FECH: variants seen among roughly 807,000 people sequenced by gnomAD.
FECH encodes ferrochelatase.
A neutral mutation model predicts 56.9 loss-of-function variants in FECH; 40 were observed. That is an observed-to-expected ratio of 0.70 (90% confidence interval 0.55 to 0.92). The LOEUF (loss-of-function observed/expected upper bound fraction) is 0.92. Among genes scored for constraint, FECH ranks in the 40% least tolerant of loss-of-function variants. The pLI, the probability that FECH is intolerant of heterozygous loss-of-function variation, is 0.00. For missense variants in FECH, 431 were observed against 529.1 expected (o/e 0.81, Z 1.82); for synonymous variants, 175 against 198.6 (o/e 0.88, Z 1.00).
In FECH at chr18:57,581,904, G is replaced by T. The variant is rs113802529; in HGVS notation, c.68-1705C>A. Reference sequence around the variant, plus strand: ...CCAGATTGTACACATTCCTAGCACAGCCAATCATGTCAGCTTATGCTGAAT... The same window carrying T: ...CCAGATTGTACACATTCCTAGCACATCCAATCATGTCAGCTTATGCTGAAT... On this transcript the variant is annotated intron_variant, in intron 1 of 10. Transcript: ENST00000262093. Among the ~76,000 whole-genome samples, 5 of 152,146 alleles carry T rather than the reference G, an allele frequency of 3.3e-5. No individual in the cohort carries two copies. In the East Asian group the frequency reaches 7.7e-4, roughly 23 times the overall value.
At chr18:57,558,879 C>T (rs994939351) in intron 7 of FECH, among the ~76,000 whole-genome samples, 1 of 151,988 alleles carries the variant, frequency 6.6e-6, no homozygotes, top group African/African-American at 2.4e-5. Context: ...CGAGACTGCA[C>T]CATTGCACTC....
chr18:57,581,984 C>T (rs2122364932), intron 1 of FECH, among the ~76,000 whole-genome samples: 1 of 151,660 alleles, frequency 6.6e-6, no homozygotes, highest in East Asian at 1.9e-4. Context: ...AGTTCAATTC[C>T]ATCTGGTTTG....
In FECH at chr18:57,550,676, G is replaced by A. The variant is rs1476231148; in HGVS notation, c.*36C>T. 6.2e-7 allele frequency: 1 copy of A among 1,613,610 alleles called. No individual in the cohort carries two copies. The highest frequency in any genetic ancestry group is 8.5e-7 in the Non-Finnish European group (1 of 1,179,824). On this transcript the variant is annotated 3_prime_UTR_variant, in exon 11 of 11. Transcript: ENST00000262093. The stretch of plus-strand genomic sequence containing the variant: ...CACATCGGAGGTATCTGGAGGTTGG[G>A]CATTTGCCTAACGCCACGGGGTCCA...
intron 9 of FECH, 97 bp downstream of exon 9, chr18:57,554,163 A>G: frequency 7.7e-7 from 1 of 1,302,396 alleles, no homozygotes; most frequent in Non-Finnish European, 1.1e-6. Context: ...AAACAAATAC[A>G]GTAAACAATA....
In FECH at chr18:57,566,493, C is replaced by T. The variant is rs140909459; in HGVS notation, c.552G>A (p.Arg184=). 4.0e-5 allele frequency: 64 copies of T among 1,614,056 alleles called. No individual in the cohort carries two copies. Among genetic ancestry groups the T allele is most frequent in the Non-Finnish European group, 5.3e-5 (62 of 1,180,036 alleles). The change falls in exon 5 of 11, where the codon AGG becomes AGA. Residue 184 remains arginine, a synonymous_variant. Coordinates refer to ENST00000262093, the MANE Select transcript of FECH (RefSeq NM_000140.5). ...GTGGATACTGTGTGAAAGCAATAGC[C>T]CTTTCTAGGCCATCTCTCTCCATCT... ...IEEMERDGLE[R]AIAFTQYPQY...
chr18:57,554,144 CG>C, intron 9 of FECH, 115 bp downstream of exon 9: 1 of 1,072,790 alleles, frequency 9.3e-7, no homozygotes, highest in Non-Finnish European at 1.4e-6. Context: ...ATGAGGACAC[CG>C]TACATGCAAA....
chr18:57,544,384 G>A lies in FECH; in HGVS notation c.*6328C>T, dbSNP rs920890734. Reference sequence around the variant, plus strand: ...CAGTCTATGCATATAATGTAGGTGTGAGAGTATGTTTACTATAAATTTTAC... The same window carrying A: ...CAGTCTATGCATATAATGTAGGTGTAAGAGTATGTTTACTATAAATTTTAC... On this transcript the variant is annotated 3_prime_UTR_variant, in exon 11 of 11. Transcript: ENST00000262093. 6.6e-6 allele frequency among the ~76,000 whole-genome samples: 1 copy of A among 152,182 alleles called. No individual in the cohort carries two copies. The highest frequency in any genetic ancestry group is 2.4e-5 in the African/African-American group (1 of 41,442).
chr18:57,582,197 A>G (rs2051290785), intron 1 of FECH, among the ~76,000 whole-genome samples: 1 of 152,124 alleles, frequency 6.6e-6, no homozygotes, highest in African/African-American at 2.4e-5. Context: ...CCACAGTTTG[A>G]CTGCTGGTAC....
intron 1 of FECH, among the ~76,000 whole-genome samples, chr18:57,583,662 T>C (rs492274): frequency 0.45 from 67,899 of 152,026 alleles, 15,744 homozygotes; most frequent in East Asian, 0.66. Context: ...GATCTACCTT[T>C]AGAAGGCCTA....
intron 4 of FECH, among the ~76,000 whole-genome samples, chr18:57,568,980 T>C (rs1184040152): frequency 6.6e-6 from 1 of 152,178 alleles, no homozygotes; most frequent in Non-Finnish European, 1.5e-5. Flanking sequence ...CCATCCCCAT[T>C]TTCTAGCTGA....
chr18:57,555,526 T>C (rs1241314855), intron 7 of FECH, among the ~76,000 whole-genome samples: 2 of 152,340 alleles, frequency 1.3e-5, no homozygotes, highest in East Asian at 3.9e-4. Context: ...GGCAAACACT[T>C]TGTGCACAGC....
chr18:57,557,667 T>C (rs914036944), intron 7 of FECH, among the ~76,000 whole-genome samples: 4 of 152,078 alleles, frequency 2.6e-5, no homozygotes, highest in African/African-American at 9.7e-5. Context: ...CGTGGTTGCG[T>C]GTGCCTGTGG....
Position 57,558,882 on chromosome 18 carries a change from T to C in FECH, c.804+263A>G, listed in dbSNP as rs9956673. Reference sequence around the variant, plus strand: ...GTTGCAGTGAGCCGAGACTGCACCATTGCACTCCAGCCTGGGTGACACAGC... The same window carrying C: ...GTTGCAGTGAGCCGAGACTGCACCACTGCACTCCAGCCTGGGTGACACAGC... On this transcript the variant is annotated intron_variant, in intron 7 of 10. Coordinates refer to ENST00000262093, the MANE Select transcript of FECH (RefSeq NM_000140.5). Among the ~76,000 whole-genome samples the C allele has an allele frequency of 0.098, 14,842 of 151,902 alleles. 1,315 individuals are homozygous for C. Among genetic ancestry groups the C allele is most frequent in the African/African-American group, 0.24 (9,858 of 41,398 alleles).
intron 9 of FECH, among the ~76,000 whole-genome samples, chr18:57,552,233 T>C (rs904676291): frequency 3.9e-5 from 6 of 151,968 alleles, no homozygotes; most frequent in African/African-American, 1.5e-4. Flanking sequence ...ATGGGAGGAT[T>C]GTTTCTGTAC....
At chr18:57,551,411 A>C (rs1568141971) in intron 9 of FECH, 37 bp from the exon 10 acceptor site, 4 of 1,549,450 alleles carry the variant, frequency 2.6e-6, no homozygotes, top group Non-Finnish European at 3.6e-6. Context: ...AAACACAGAT[A>C]TATTTTATTT....
At chr18:57,551,400 A>C in intron 9 of FECH, 26 bp from the exon 10 acceptor site, 1 of 1,586,444 alleles carries the variant, frequency 6.3e-7, no homozygotes, top group East Asian at 2.2e-5. Flanking sequence ...AAAGGGAGGA[A>C]AAACACAGAT....
chr18:57,551,447 A>AC, intron 9 of FECH, 73 bp from the exon 10 acceptor site: 1 of 1,175,536 alleles, frequency 8.5e-7, no homozygotes, highest in Admixed American at 1.8e-5. Context: ...AGAAACTGCT[A>AC]CAAAAAAATA....
At chr18:57,572,877 C>T (rs2051134690) in intron 3 of FECH, 2 of 189,666 alleles carry the variant, frequency 1.1e-5, no homozygotes, top group Admixed American at 5.5e-5. Context: ...AGAAGGGCAG[C>T]AACAATCCAT....
chr18:57,554,156 C>T (rs1374100733), intron 9 of FECH, 104 bp downstream of exon 9: 2 of 1,275,658 alleles, frequency 1.6e-6, no homozygotes, highest in South Asian at 1.2e-5. Context: ...TACATGCAAA[C>T]AAATACAGTA....
Sources: gnomAD v4.1 joint callset for allele counts (sites outside exome capture counted in the v4.1 genomes callset) on GRCh38, gnomAD v4.1.1 for gene constraint, MANE v1.5 for transcripts, NCBI Gene and HGNC (gene_info 2026-07-23, HGNC 2026-07-21) for gene names.